SERINC5: variants seen among roughly 807,000 people sequenced by gnomAD.
The protein encoded by SERINC5 is serine incorporator 5.
SERINC5 carries 41 observed loss-of-function variants against 63.1 expected under a neutral mutation model. The ratio of observed to expected loss-of-function variants is 0.65; its 90% confidence interval spans 0.51 to 0.84. SERINC5 has a LOEUF of 0.84. Among genes scored for constraint, SERINC5 ranks in the 40% least tolerant of loss-of-function variants. The pLI, the probability that SERINC5 is intolerant of heterozygous loss-of-function variation, is 0.00. For synonymous variants in SERINC5, 222 were observed against 215.2 expected (o/e 1.03, Z -0.28); for missense variants, 523 against 573.0 (o/e 0.91, Z 0.89).
intron 1 of SERINC5, among the ~76,000 whole-genome samples, chr5:80,245,742 G>A (rs1218043366): frequency 6.6e-6 from 1 of 151,908 alleles, no homozygotes; most frequent in African/African-American, 2.4e-5. Flanking sequence ...AGCCTCCTGA[G>A]TATCTGGGAT....
At chr5:80,251,648 T>C (rs1381085803) in intron 1 of SERINC5, among the ~76,000 whole-genome samples, 1 of 150,758 alleles carries the variant, frequency 6.6e-6, no homozygotes, top group African/African-American at 2.4e-5. Flanking sequence ...GAGAATCGCT[T>C]GGACCCGGGA....
chr5:80,219,338 ACACTTTTTCTC>A (rs1750801289), intron 1 of SERINC5, among the ~76,000 whole-genome samples: 2 of 152,202 alleles, frequency 1.3e-5, no homozygotes, highest in Non-Finnish European at 2.9e-5. Flanking sequence ...AGCTGAGAAA[ACACTTTTTCTC>A]ACAGTTAACT....
intron 1 of SERINC5, among the ~76,000 whole-genome samples, chr5:80,255,661 G>A (rs896814812): frequency 6.6e-6 from 1 of 152,188 alleles, no homozygotes; most frequent in Admixed American, 6.5e-5. Flanking sequence ...GAGTCCCGGA[G>A]GCCGGACGGG....
intron 1 of SERINC5, among the ~76,000 whole-genome samples, chr5:80,236,900 A>T (rs916340632): frequency 2.6e-5 from 4 of 150,948 alleles, no homozygotes; most frequent in African/African-American, 9.8e-5. Context: ...CCCAGGCTGG[A>T]GTGCAATGGT....
intron 11 of SERINC5, among the ~76,000 whole-genome samples, chr5:80,129,497 C>T (rs1744861437): frequency 6.6e-6 from 1 of 152,080 alleles, no homozygotes; most frequent in Admixed American, 6.6e-5. Context: ...TTTGTAGAGA[C>T]AGGGTCTCAT....
intron 1 of SERINC5, among the ~76,000 whole-genome samples, chr5:80,235,521 T>G (rs557356478): frequency 8.5e-5 from 13 of 152,224 alleles, no homozygotes; most frequent in Non-Finnish European, 1.0e-4. Flanking sequence ...TCAAGAAGAG[T>G]AGGTTTTTCT....
In SERINC5 at chr5:80,141,460, GTCAGTT is replaced by G. The variant is rs1049379090; in HGVS notation, c.*2197_*2202del. 2 of 972,736 alleles carry G rather than the reference GTCAGTT, an allele frequency of 2.1e-6. No individual in the cohort carries two copies. The highest frequency in any genetic ancestry group is 2.2e-5 in the African/African-American group (1 of 45,826). 60.3% of individuals were successfully genotyped at this position (972,736 alleles called of 1,614,324 possible). ...CAGCTGGACCTTGACTGCGCGTAAG[GTCAGTT>G]TCTCAAATCACACCAGCTGGCAGCC... On this transcript the variant is annotated 3_prime_UTR_variant, in exon 12 of 12. Transcript: ENST00000507668.
chr5:80,190,561 G>A (rs186550664), intron 2 of SERINC5, among the ~76,000 whole-genome samples: 38 of 152,268 alleles, frequency 2.5e-4, no homozygotes, highest in Admixed American at 1.5e-3. Flanking sequence ...AGGGGGATAC[G>A]AGCTGTGAAT....
intron 11 of SERINC5, among the ~76,000 whole-genome samples, chr5:80,145,339 A>G (rs1161107641): frequency 1.3e-5 from 2 of 151,666 alleles, no homozygotes; most frequent in African/African-American, 2.4e-5. Flanking sequence ...CAAGACTCCA[A>G]CTAAAAACAA....
downstream of SERINC5, among the ~76,000 whole-genome samples, chr5:80,133,983 TGA>T (rs1745051752): frequency 6.6e-6 from 1 of 152,214 alleles, no homozygotes; most frequent in African/African-American, 2.4e-5. Context: ...TAGGGACAGC[TGA>T]TCCATCGAGT....
chr5:80,180,061 C>T (rs776597841), intron 2 of SERINC5, among the ~76,000 whole-genome samples: 8 of 152,036 alleles, frequency 5.3e-5, no homozygotes, highest in Non-Finnish European at 1.0e-4. Flanking sequence ...TGGGTATTTT[C>T]TTGATCCACT....
chr5:80,179,169 C>A (rs946041484), intron 2 of SERINC5, among the ~76,000 whole-genome samples: 1 of 151,872 alleles, frequency 6.6e-6, no homozygotes, highest in African/African-American at 2.4e-5. Context: ...TGTGGTGGCT[C>A]GTGCCTGTAA....
chr5:80,140,328 A>C lies in SERINC5; in HGVS notation c.*3335T>G. On this transcript the variant is annotated 3_prime_UTR_variant, in exon 12 of 12. Transcript: ENST00000507668. ...TCCAAAAAAAAAAAAAAAAAAAAAA[A>C]AAAAGGCTTAGGGTGACAATTTTGA... The C allele has an allele frequency of 1.1e-6, 1 of 912,218 alleles. No individual in the cohort carries two copies. Among genetic ancestry groups the C allele is most frequent in the Non-Finnish European group, 1.3e-6 (1 of 765,800 alleles). The allele number at this position is 912,218 out of a possible 1,614,324, so 56.5% of individuals were successfully genotyped here. A position where few individuals can be genotyped will look rare whatever the true frequency, so the allele number is the denominator to read the frequency against.
Position 80,150,965 on chromosome 5 carries a change from A to G in SERINC5, c.987-17T>C, listed in dbSNP as rs765841191. On this transcript the variant is annotated splice_polypyrimidine_tract_variant and intron_variant, in intron 8 of 11. Transcript: ENST00000507668. ...GATGTCAAACTAAGAAACAGACAAA[A>G]ACGTCAGCTGGGCATATTAACACAT... The G allele has an allele frequency of 6.2e-7, 1 of 1,604,566 alleles. No individual in the cohort carries two copies.
intron 1 of SERINC5, among the ~76,000 whole-genome samples, chr5:80,242,622 C>T (rs991780707): frequency 6.6e-6 from 1 of 152,066 alleles, no homozygotes; most frequent in Non-Finnish European, 1.5e-5. Context: ...TAGTGGCATG[C>T]GCCTGTAGTT....
intron 2 of SERINC5, among the ~76,000 whole-genome samples, chr5:80,199,676 C>T (rs529309825): frequency 5.9e-5 from 9 of 152,260 alleles, no homozygotes; most frequent in African/African-American, 2.2e-4. Flanking sequence ...ATTATCTCTC[C>T]CTCTAACGTC....
intron 8 of SERINC5, among the ~76,000 whole-genome samples, chr5:80,152,013 C>G (rs1169026620): frequency 6.6e-6 from 1 of 152,228 alleles, no homozygotes; most frequent in Admixed American, 6.5e-5. Flanking sequence ...CAGAAGCCCA[C>G]TGAGATCCAA....
chr5:80,203,655 A>G (rs1038245821), intron 1 of SERINC5, among the ~76,000 whole-genome samples: 1 of 152,154 alleles, frequency 6.6e-6, no homozygotes, highest in African/African-American at 2.4e-5. Flanking sequence ...GGTTTTTGCC[A>G]TTACTCTACA....
intron 2 of SERINC5, among the ~76,000 whole-genome samples, chr5:80,178,917 A>G (rs922027773): frequency 1.3e-5 from 2 of 152,160 alleles, no homozygotes; most frequent in Non-Finnish European, 2.9e-5. Context: ...ACATACACTC[A>G]TATCATACTA....
Sources: gnomAD v4.1 joint callset for allele counts (sites outside exome capture counted in the v4.1 genomes callset) on GRCh38, gnomAD v4.1.1 for gene constraint, MANE v1.5 for transcripts, NCBI Gene and HGNC (gene_info 2026-07-23, HGNC 2026-07-21) for gene names.